Variants in PAK1 observed in about 807,000 individuals in gnomAD.
PAK1 encodes p21 (RAC1) activated kinase 1.
In PAK1, 29 loss-of-function variants were observed where a neutral mutation model predicts 67.4. That is an observed-to-expected ratio of 0.43 (90% CI 0.32 to 0.59). PAK1 has a LOEUF of 0.59. Ranked by LOEUF, PAK1 falls within the 20% of genes least tolerant of loss-of-function variation. The probability of loss-of-function intolerance (pLI) is 0.07; values close to 1 mark genes in which losing one functional copy is unlikely to be tolerated. For synonymous variants in PAK1, 223 were observed against 237.4 expected, an observed-to-expected ratio of 0.94 and a Z score of 0.56; for missense variants, 337 against 670.7, an observed-to-expected ratio of 0.50 and a Z score of 5.50.
intron 1 of PAK1, among the ~76,000 whole-genome samples, chr11:77,428,517 A>G (rs1189339517): frequency 6.6e-6 from 1 of 151,704 alleles, no homozygotes; most frequent in Non-Finnish European, 1.5e-5. Flanking sequence ...GGTTGCAGTG[A>G]GCCGAGATTG....
At chr11:77,515,909 C>T in the PAK1 span, among the ~76,000 whole-genome samples, 1 of 152,126 alleles carries the variant, frequency 6.6e-6, no homozygotes, top group Non-Finnish European at 1.5e-5. Context: ...CTTCATTTCT[C>T]GGTTGCTGGC....
intron 1 of PAK1, among the ~76,000 whole-genome samples, chr11:77,435,626 T>G (rs1182772649): frequency 7.0e-6 from 1 of 143,574 alleles, no homozygotes; most frequent in African/African-American, 2.6e-5. Context: ...CCCAAGTAGC[T>G]GGGACTACAG....
At chr11:77,381,585 G>T (rs577692095) in intron 2 of PAK1, among the ~76,000 whole-genome samples, 1 of 152,262 alleles carries the variant, frequency 6.6e-6, no homozygotes, top group South Asian at 2.1e-4. Context: ...AAGAAGAAAT[G>T]ACATTAAGAA....
the PAK1 span, among the ~76,000 whole-genome samples, chr11:77,503,231 C>A: frequency 6.6e-6 from 1 of 152,182 alleles, no homozygotes; most frequent in Non-Finnish European, 1.5e-5. Context: ...ATGTGTAAAA[C>A]CAAGGAGTGG....
intron 8 of PAK1, among the ~76,000 whole-genome samples, chr11:77,349,712 C>T (rs538930012): frequency 5.7e-4 from 87 of 152,270 alleles, no homozygotes; most frequent in South Asian, 1.0e-3. Context: ...TCTCTCCTCT[C>T]CTCCATCACC....
chr11:77,411,296 C>G (rs1954481729), intron 1 of PAK1, among the ~76,000 whole-genome samples: 1 of 152,004 alleles, frequency 6.6e-6, no homozygotes, highest in Non-Finnish European at 1.5e-5. Context: ...CAAACAATGT[C>G]AAGTCCTTCA....
chr11:77,478,639 G>A (rs1958084877), upstream of PAK1, among the ~76,000 whole-genome samples: 1 of 152,032 alleles, frequency 6.6e-6, no homozygotes, highest in African/African-American at 2.4e-5. Flanking sequence ...AATTAGCCGG[G>A]CGTGGTGGCA....
At chr11:77,434,207 A>G (rs1187998467) in intron 1 of PAK1, among the ~76,000 whole-genome samples, 1 of 152,250 alleles carries the variant, frequency 6.6e-6, no homozygotes, top group Non-Finnish European at 1.5e-5. Context: ...TAGTAGCATT[A>G]GTCGCAGCCA....
the PAK1 span, among the ~76,000 whole-genome samples, chr11:77,516,384 C>G: frequency 1.3e-5 from 2 of 152,154 alleles, no homozygotes; most frequent in African/African-American, 4.8e-5. Context: ...TTTTAAAGCT[C>G]TCTGTGCTTC....
intron 4 of PAK1, among the ~76,000 whole-genome samples, chr11:77,374,952 C>G (rs1948900551): frequency 2.0e-5 from 3 of 152,282 alleles, no homozygotes; most frequent in Middle Eastern, 3.4e-3. Flanking sequence ...CTGGGTGAGT[C>G]AGTGAGTGAG....
At chr11:77,325,481 G>A in intron 14 of PAK1, 8 of 1,189,822 alleles carry the variant, frequency 6.7e-6, no homozygotes, top group East Asian at 4.9e-5. Context: ...CCTAAAATAT[G>A]GTAAAGATTC....
At chr11:77,506,012 T>A in the PAK1 span, among the ~76,000 whole-genome samples, 1 of 151,552 alleles carries the variant, frequency 6.6e-6, no homozygotes, top group African/African-American at 2.4e-5. Flanking sequence ...GGCCTGGAGG[T>A]ATAAGAGAGA....
intron 1 of PAK1, among the ~76,000 whole-genome samples, chr11:77,401,251 T>C (rs1032970893): frequency 6.6e-6 from 1 of 152,176 alleles, no homozygotes; most frequent in Non-Finnish European, 1.5e-5. Flanking sequence ...GGCAGGGGAC[T>C]GGAATGCTGC....
intron 1 of PAK1, among the ~76,000 whole-genome samples, chr11:77,417,071 G>A (rs918842632): frequency 1.3e-5 from 2 of 152,104 alleles, no homozygotes; most frequent in Admixed American, 1.3e-4. Context: ...ATGTGATGAT[G>A]GCTATATCAT....
intron 1 of PAK1, among the ~76,000 whole-genome samples, chr11:77,453,650 C>T (rs1042366401): frequency 1.3e-5 from 2 of 152,074 alleles, no homozygotes; most frequent in African/African-American, 2.4e-5. Flanking sequence ...AAGCTGAATA[C>T]ATATTAGTTA....
At chr11:77,408,532 T>TACACACAC (rs377689850) in intron 1 of PAK1, among the ~76,000 whole-genome samples, 2,889 of 137,886 alleles carry the variant, frequency 0.021, 93 homozygotes, top group African/African-American at 0.061. Flanking sequence ...TATGGAGAAA[T>TACACACAC]ACACACACAC....
chr11:77,425,114 CA>C (rs1955479092), intron 1 of PAK1, among the ~76,000 whole-genome samples: 1 of 152,130 alleles, frequency 6.6e-6, no homozygotes, highest in Admixed American at 6.5e-5. Flanking sequence ...TGCAGGAGCA[CA>C]AGTGGCTTTT....
the PAK1 span, among the ~76,000 whole-genome samples, chr11:77,489,970 C>T: frequency 6.6e-6 from 1 of 151,612 alleles, no homozygotes; most frequent in Non-Finnish European, 1.5e-5. Flanking sequence ...TGAGGAGCGT[C>T]TCTGCCCGGC....
chr11:77,469,034 C>T (rs910082216), intron 1 of PAK1, among the ~76,000 whole-genome samples: 4 of 152,096 alleles, frequency 2.6e-5, no homozygotes, highest in Admixed American at 6.5e-5. Flanking sequence ...AATCTGTCTT[C>T]ACCAAGCCTT....
Sources: allele counts gnomAD v4.1 joint callset (sites outside exome capture counted in the v4.1 genomes callset), GRCh38; gene constraint gnomAD v4.1.1; transcripts MANE v1.5; gene names NCBI Gene and HGNC (gene_info 2026-07-23, HGNC 2026-07-21).